Variants in SHISA9 observed in about 807,000 individuals in gnomAD.
SHISA9 encodes the protein protein shisa-9.
In SHISA9, 13 loss-of-function variants were observed where a neutral mutation model predicts 38.0. That is an observed-to-expected ratio of 0.34 (90% confidence interval 0.22 to 0.54). The LOEUF is 0.54. Ranked by LOEUF, SHISA9 falls within the 20% of genes least tolerant of loss-of-function variation. The pLI is 0.91. For synonymous variants in SHISA9, 275 were observed against 242.0 expected (o/e 1.14, Z -1.27); for missense variants, 538 against 575.8 (o/e 0.93, Z 0.67).
At chr16:13,285,963 A>C in the SHISA9 span, among the ~76,000 whole-genome samples, 1 of 152,170 alleles carries the variant, frequency 6.6e-6, no homozygotes, top group African/African-American at 2.4e-5. Flanking sequence ...TTGAGACCCC[A>C]AAAATCACTA....
At chr16:12,990,103 C>T (rs183189071) in intron 2 of SHISA9, among the ~76,000 whole-genome samples, 7 of 152,242 alleles carry the variant, frequency 4.6e-5, no homozygotes, top group Admixed American at 2.6e-4. Context: ...CTGCAAAGGA[C>T]GTGATCTCAT....
At chr16:13,383,417 A>G in the SHISA9 span, among the ~76,000 whole-genome samples, 8 of 152,230 alleles carry the variant, frequency 5.3e-5, no homozygotes, top group Non-Finnish European at 1.2e-4. Flanking sequence ...TAATAAAAAT[A>G]TGGGGGAAGA....
At chr16:13,203,993 A>C (rs1483379094) in intron 3 of SHISA9, among the ~76,000 whole-genome samples, 1 of 151,968 alleles carries the variant, frequency 6.6e-6, no homozygotes, top group Non-Finnish European at 1.5e-5. Flanking sequence ...CCATCCACCT[A>C]TTCACTTATC....
At chr16:13,198,181 T>C (rs2050966973) in intron 2 of SHISA9, among the ~76,000 whole-genome samples, 1 of 151,784 alleles carries the variant, frequency 6.6e-6, no homozygotes, top group African/African-American at 2.4e-5. Context: ...TGAGACTCCA[T>C]CTCAAAAAAA....
chr16:13,318,353 C>A, the SHISA9 span, among the ~76,000 whole-genome samples: 2 of 151,812 alleles, frequency 1.3e-5, no homozygotes, highest in African/African-American at 2.4e-5. Context: ...GACAGAGTCT[C>A]GCTCTGTTGC....
the SHISA9 span, among the ~76,000 whole-genome samples, chr16:13,556,269 C>G: frequency 6.6e-6 from 1 of 152,122 alleles, no homozygotes; most frequent in Middle Eastern, 3.2e-3. Context: ...GAAAATGTGG[C>G]ACAGGAAGGT....
At chr16:13,249,532 A>T in the SHISA9 span, among the ~76,000 whole-genome samples, 1 of 152,180 alleles carries the variant, frequency 6.6e-6, no homozygotes, top group Admixed American at 6.5e-5. Flanking sequence ...CACTGAGATG[A>T]ATCAGGCACA....
the SHISA9 span, among the ~76,000 whole-genome samples, chr16:13,520,312 C>G: frequency 1.3e-4 from 20 of 152,080 alleles, no homozygotes; most frequent in Admixed American, 3.9e-4. Context: ...GTAAAAAGTT[C>G]TAGGGGGCCA....
At chr16:13,518,310 G>T in the SHISA9 span, among the ~76,000 whole-genome samples, 1 of 151,994 alleles carries the variant, frequency 6.6e-6, no homozygotes, top group Non-Finnish European at 1.5e-5. Context: ...AGCCAAAGGA[G>T]GCTCAAGATG....
the SHISA9 span, among the ~76,000 whole-genome samples, chr16:13,435,920 A>C: frequency 2.0e-5 from 3 of 152,192 alleles, no homozygotes; most frequent in Non-Finnish European, 4.4e-5. Flanking sequence ...ATGGCTCTTC[A>C]CAGGACTCAT....
At chr16:13,172,365 C>T (rs980965574) in intron 2 of SHISA9, among the ~76,000 whole-genome samples, 2 of 152,200 alleles carry the variant, frequency 1.3e-5, no homozygotes, top group African/African-American at 4.8e-5. Flanking sequence ...CTTAATTAAA[C>T]AGGTGGCTTT....
intron 2 of SHISA9, among the ~76,000 whole-genome samples, chr16:13,121,764 C>G (rs758846685): frequency 6.7e-6 from 1 of 149,818 alleles, no homozygotes; most frequent in Non-Finnish European, 1.5e-5. Context: ...AGTTTTTGTT[C>G]AAATTCTTTT....
the SHISA9 span, among the ~76,000 whole-genome samples, chr16:13,355,660 A>G: frequency 1.3e-5 from 2 of 152,136 alleles, no homozygotes; most frequent in African/African-American, 4.8e-5. Flanking sequence ...AATACCCACA[A>G]CAGTTATGGA....
chr16:13,121,066 C>A (rs149089110), intron 2 of SHISA9, among the ~76,000 whole-genome samples: 1 of 151,748 alleles, frequency 6.6e-6, no homozygotes, highest in Non-Finnish European at 1.5e-5. Flanking sequence ...GGCTGAGGTG[C>A]GAGTATTGCC....
the SHISA9 span, among the ~76,000 whole-genome samples, chr16:13,448,117 C>T: frequency 6.6e-6 from 1 of 152,186 alleles, no homozygotes; most frequent in African/African-American, 2.4e-5. Flanking sequence ...CATACACCAT[C>T]GGACTTACTG....
rs11372669 is a variant in SHISA9, at chr16:13,167,072, CT to C, written c.692-36305del. 1.8e-3 allele frequency among the ~76,000 whole-genome samples: 219 copies of C among 124,388 alleles called. 16 individuals are homozygous for C. Among genetic ancestry groups the C allele is most frequent in the Non-Finnish European group, 2.2e-3 (129 of 59,906 alleles). The allele number at this position is 124,388 out of a possible 152,430, so 81.6% of individuals were successfully genotyped here. On this transcript the variant is annotated intron_variant, in intron 2 of 4. Transcript: ENST00000558583. ...CTTCTTCTCTCTCTCTCTCTTTTTTCTTTTTTTTTTTTTTTTTGAGACAGAG... is the reference window on the plus strand; with the variant it reads ...CTTCTTCTCTCTCTCTCTCTTTTTTCTTTTTTTTTTTTTTTTGAGACAGAG...
intron 2 of SHISA9, among the ~76,000 whole-genome samples, chr16:12,992,070 G>T (rs1240978356): frequency 6.6e-6 from 1 of 152,138 alleles, no homozygotes; most frequent in Non-Finnish European, 1.5e-5. Flanking sequence ...TATGAAATAA[G>T]TAATAGTATG....
At chr16:13,110,460 C>T (rs2073967300) in intron 2 of SHISA9, among the ~76,000 whole-genome samples, 1 of 152,188 alleles carries the variant, frequency 6.6e-6, no homozygotes, top group Non-Finnish European at 1.5e-5. Context: ...ACTTTGGGAG[C>T]TGGTATGAAA....
chr16:13,358,736 T>A, the SHISA9 span, among the ~76,000 whole-genome samples: 1 of 152,202 alleles, frequency 6.6e-6, no homozygotes, highest in African/African-American at 2.4e-5. Flanking sequence ...CTGACCAACA[T>A]AAGACTGTTG....
Sources: allele counts gnomAD v4.1 joint callset (sites outside exome capture counted in the v4.1 genomes callset), GRCh38; gene constraint gnomAD v4.1.1; transcripts MANE v1.5; gene names NCBI Gene and HGNC (gene_info 2026-07-23, HGNC 2026-07-21).